Variants in TMEM216 observed in about 807,000 individuals in gnomAD.
The protein encoded by TMEM216 is transmembrane protein 216, also known as cerebello-oculo-renal syndrome 2.
A neutral mutation model predicts 17.8 loss-of-function variants in TMEM216; 15 were observed. That is an observed-to-expected ratio of 0.84 (90% CI 0.56 to 1.30). The LOEUF is 1.30. TMEM216 is among the 50% of genes most tolerant of loss of function. The probability of loss-of-function intolerance (pLI) is 0.00; values close to 1 mark genes in which losing one functional copy is unlikely to be tolerated. For missense variants in TMEM216, 160 were observed against 175.7 expected (o/e 0.91, Z 0.51); for synonymous variants, 58 against 73.5 (o/e 0.79, Z 1.08).
At chr11:61,398,055 G>C (rs1222436042) in intron 4 of TMEM216, 80 bp downstream of exon 4, 5 of 1,552,144 alleles carry the variant, frequency 3.2e-6, no homozygotes, top group Non-Finnish European at 4.4e-6. Flanking sequence ...TTCTTCTGAA[G>C]CCTAAGGGGT....
chr11:61,393,089 A>AT (rs1359276308), intron 1 of TMEM216, 142 bp from the exon 2 acceptor site: 1 of 483,432 alleles, frequency 2.1e-6, no homozygotes, highest in African/African-American at 2.2e-5. Flanking sequence ...TCGCCCCCTC[A>AT]TTATCAGCAA....
At chr11:61,397,684 C>A in intron 3 of TMEM216, 90 bp from the exon 4 acceptor site, 1 of 1,203,930 alleles carries the variant, frequency 8.3e-7, no homozygotes, top group Non-Finnish European at 1.2e-6. Context: ...ATTTTTTGTG[C>A]CTTGCCATTC....
At chr11:61,397,145 T>C (rs993529218) in intron 3 of TMEM216, among the ~76,000 whole-genome samples, 1 of 151,940 alleles carries the variant, frequency 6.6e-6, no homozygotes, top group Admixed American at 6.6e-5. Flanking sequence ...TTCTATAGTC[T>C]CAAAAATTAT....
chr11:61,395,531 A>G (rs892785363), intron 3 of TMEM216, among the ~76,000 whole-genome samples: 9 of 151,964 alleles, frequency 5.9e-5, no homozygotes, highest in Admixed American at 5.9e-4. Context: ...TTTGAGGTGA[A>G]GAGTTTGAGA....
At position 61,393,199 on chromosome 11, in the gene TMEM216, G is replaced by A. The variant is rs144650416; in HGVS notation, c.35-32G>A. 96 of 1,495,942 alleles carry A rather than the reference G, an allele frequency of 6.4e-5. No individual in the cohort carries two copies. In the African/African-American group the frequency reaches 1.1e-3, roughly 17 times the overall value. The allele number at this position is 1,495,942 out of a possible 1,614,324, so 92.7% of individuals were successfully genotyped here. A position where few individuals can be genotyped will look rare whatever the true frequency, so the allele number is the denominator to read the frequency against. On this transcript the variant is annotated intron_variant, in intron 1 of 4. Transcript: ENST00000515837. ...CGAGCAGAGAGGGAGCTGCCTTCCG[G>A]CCCATCCCACTTCTCTGTGCTCCTT...
In TMEM216 at chr11:61,393,232, T is replaced by A. The variant is rs1332073833; in HGVS notation, c.36T>A (p.Gly12=). 1 of 1,535,378 alleles carries A rather than the reference T, an allele frequency of 6.5e-7. No homozygotes were observed. The highest frequency in any genetic ancestry group is 2.0e-5 in the Admixed American group (1 of 50,952). The stretch of plus-strand genomic sequence containing the variant: ...CACTTCTCTGTGCTCCTTTTTCAGG[T>A]AAACGGTTGTCCTCCACCCCGCTGG... ...LPRGLKMAPR[G]KRLSSTPLEI... is the part of the protein sequence containing the mutation. The change falls in exon 2 of 5, where the codon GGT becomes GGA. Residue 12 remains glycine, a splice_region_variant and synonymous_variant. Transcript: ENST00000515837.
At chr11:61,394,069 T>C (rs774294730) in intron 3 of TMEM216, 93 bp downstream of exon 3, 2 of 1,134,992 alleles carry the variant, frequency 1.8e-6, no homozygotes, top group Non-Finnish European at 2.7e-6. Context: ...CTAGGTTGAC[T>C]ATCATAGACT....
At chr11:61,393,774 A>G in intron 2 of TMEM216, 110 bp from the exon 3 acceptor site, 1 of 736,540 alleles carries the variant, frequency 1.4e-6, no homozygotes, top group Non-Finnish European at 2.3e-6. Context: ...ACATCTCACT[A>G]ACTAGTTCAT....
intron 1 of TMEM216, 69 bp downstream of exon 1, chr11:61,392,734 A>G: frequency 6.5e-7 from 1 of 1,534,952 alleles, no homozygotes; most frequent in African/African-American, 1.4e-5. Flanking sequence ...CCTCTGTCCC[A>G]GAGCTTGACC....
intron 4 of TMEM216, 56 bp from the exon 5 acceptor site, chr11:61,398,214 T>C (rs761267759): frequency 1.9e-6 from 3 of 1,599,510 alleles, no homozygotes; most frequent in Non-Finnish European, 2.6e-6. Flanking sequence ...CGAGGCCAGC[T>C]GCTCTCATTC....
intron 3 of TMEM216, among the ~76,000 whole-genome samples, chr11:61,394,892 C>T (rs564464042): frequency 2.7e-5 from 4 of 149,462 alleles, no homozygotes; most frequent in Non-Finnish European, 6.0e-5. Context: ...GTCTCGATCT[C>T]CTGACCTCAT....
intron 2 of TMEM216, 122 bp from the exon 3 acceptor site, chr11:61,393,762 C>G (rs1265303827): frequency 1.5e-6 from 1 of 674,726 alleles, no homozygotes; most frequent in Non-Finnish European, 2.6e-6. Flanking sequence ...GTAATAATGC[C>G]CACATCTCAC....
rs1321894510 is a variant in TMEM216, at chr11:61,397,994, C to G, written c.431+19C>G. The G allele has an allele frequency of 1.9e-6, 3 of 1,611,954 alleles. No individual in the cohort carries two copies. In the Admixed American group the frequency reaches 5.0e-5, roughly 27 times the overall value. The stretch of plus-strand genomic sequence containing the variant: ...TCTCCAGGTACTGCTGCTGAGGGAC[C>G]ATTTCTCATCACTAGAGGGTTGGGT... On this transcript the variant is annotated intron_variant, in intron 4 of 4. Coordinates refer to ENST00000515837, the MANE Select transcript of TMEM216 (RefSeq NM_001173990.3).
chr11:61,394,316 CAGAT>C, intron 3 of TMEM216: 1 of 242,144 alleles, frequency 4.1e-6, no homozygotes, highest in African/African-American at 2.3e-5. Flanking sequence ...GTATCCTGTA[CAGAT>C]CAGTACTAAG....
chr11:61,395,961 G>T (rs1460571899), intron 3 of TMEM216, among the ~76,000 whole-genome samples: 1 of 151,988 alleles, frequency 6.6e-6, no homozygotes, highest in Non-Finnish European at 1.5e-5. Flanking sequence ...TACAACTCTT[G>T]GGTAGTAGTT....
rs1330093542 is a variant in TMEM216, at chr11:61,398,733, C to T, written c.*457C>T. On this transcript the variant is annotated 3_prime_UTR_variant, in exon 5 of 5. Transcript: ENST00000515837. The stretch of plus-strand genomic sequence containing the variant: ...TTTCCAGAGTGATGTGAAAGCCTCT[C>T]ACCCCAATCCTCGGAGACTGAGTTC... 6.2e-6 allele frequency: 1 copy of T among 161,134 alleles called. No individual in the cohort carries two copies. The highest frequency in any genetic ancestry group is 2.4e-5 in the African/African-American group (1 of 41,840). The allele number at this position is 161,134 out of a possible 1,614,324, so 10.0% of individuals were successfully genotyped here.
At chr11:61,394,574 G>A (rs1460246953) in intron 3 of TMEM216, among the ~76,000 whole-genome samples, 1 of 151,448 alleles carries the variant, frequency 6.6e-6, no homozygotes, top group Non-Finnish European at 1.5e-5. Flanking sequence ...TCACCATGTT[G>A]GCCAGGATGG....
At chr11:61,394,240 T>TG (rs1301985522) in intron 3 of TMEM216, 1 of 454,426 alleles carries the variant, frequency 2.2e-6, no homozygotes, top group Non-Finnish European at 4.1e-6. Context: ...GAAGAGTGCT[T>TG]GGTTCTTCTC....
chr11:61,393,762 CCA>C, intron 2 of TMEM216, 120 bp from the exon 3 acceptor site: 1 of 674,844 alleles, frequency 1.5e-6, no homozygotes, highest in Non-Finnish European at 2.6e-6. Context: ...GTAATAATGC[CCA>C]CATCTCACTA....
Sources: gnomAD v4.1 joint callset for allele counts (sites outside exome capture counted in the v4.1 genomes callset) on GRCh38, gnomAD v4.1.1 for gene constraint, MANE v1.5 for transcripts, NCBI Gene and HGNC (gene_info 2026-07-23, HGNC 2026-07-21) for gene names.